NINL: variants seen among roughly 807,000 people sequenced by gnomAD.
The protein encoded by NINL is ninein-like protein.
In NINL, 153 loss-of-function variants were observed where a neutral mutation model predicts 160.3. The ratio of observed to expected loss-of-function variants is 0.95; its 90% CI spans 0.84 to 1.09. The LOEUF is 1.09. NINL is among the 50% of genes least tolerant of loss of function. The pLI, the probability that NINL is intolerant of heterozygous loss-of-function variation, is 0.00. For synonymous variants in NINL, 800 were observed against 734.8 expected (o/e 1.09, Z -1.43); for missense variants, 1,829 against 1,764.0 (o/e 1.04, Z -0.66).
At chr20:25,545,846 C>A (rs2064724958) in intron 1 of NINL, among the ~76,000 whole-genome samples, 1 of 152,224 alleles carries the variant, frequency 6.6e-6, no homozygotes, top group Admixed American at 6.5e-5. Flanking sequence ...TCCAGGCCTT[C>A]TTCCTGATCC....
intron 18 of NINL, 144 bp from the exon 19 acceptor site, chr20:25,467,602 C>G: frequency 1.5e-6 from 1 of 676,526 alleles, no homozygotes; most frequent in Non-Finnish European, 2.7e-6. Context: ...TCTCCAGCCC[C>G]TCTCAGTCCC....
chr20:25,470,497 G>T (rs1474319489), intron 17 of NINL, among the ~76,000 whole-genome samples: 1 of 152,234 alleles, frequency 6.6e-6, no homozygotes, highest in East Asian at 1.9e-4. Context: ...ACTCAGTGTG[G>T]AGCTAAGAAA....
chr20:25,568,280 G>A (rs999552253), intron 1 of NINL, among the ~76,000 whole-genome samples: 1 of 151,046 alleles, frequency 6.6e-6, no homozygotes, highest in Non-Finnish European at 1.5e-5. Context: ...AGAGAGAATT[G>A]TATCTTTACA....
At chr20:25,497,667 G>A (rs1034729056) in intron 9 of NINL, among the ~76,000 whole-genome samples, 7 of 152,252 alleles carry the variant, frequency 4.6e-5, no homozygotes, top group Non-Finnish European at 7.3e-5. Context: ...TCAGCCCAAC[G>A]TCACGGGGCA....
chr20:25,489,845 T>C (rs771455579), intron 12 of NINL, 30 bp downstream of exon 12: 7 of 1,565,314 alleles, frequency 4.5e-6, no homozygotes, highest in Non-Finnish European at 1.8e-6. Context: ...CCCTCCCCTC[T>C]GGAGGCAGAC....
At chr20:25,507,654 T>C (rs892946280) in intron 5 of NINL, among the ~76,000 whole-genome samples, 1 of 152,112 alleles carries the variant, frequency 6.6e-6, no homozygotes, top group African/African-American at 2.4e-5. Flanking sequence ...TGGGTGTGAA[T>C]TACTGATAAC....
chr20:25,536,035 G>T (rs946838870), intron 1 of NINL, among the ~76,000 whole-genome samples: 2 of 152,168 alleles, frequency 1.3e-5, no homozygotes, highest in Non-Finnish European at 2.9e-5. Context: ...CAGAGAGAAA[G>T]AGCAGCCCCA....
rs752062558 is a variant in NINL at position 25,526,614 on chromosome 20, GGAA to G, written c.-11-19_-11-17del. 4 of 1,604,754 alleles carry G rather than the reference GGAA, an allele frequency of 2.5e-6. No individual in the cohort carries two copies. The highest frequency in any genetic ancestry group is 3.4e-6 in the Non-Finnish European group (4 of 1,172,690). On this transcript the variant is annotated splice_polypyrimidine_tract_variant and intron_variant, in intron 1 of 23. Coordinates refer to ENST00000278886, the MANE Select transcript of NINL (RefSeq NM_025176.6). ...CCATAGCAGGCTGGCAGTGTGCAAG[GGAA>G]GAAGAAAACATCAGGACACTTTCCC...
chr20:25,482,113 A>G lies in NINL; in HGVS notation c.1678-13T>C, dbSNP rs777458110. ...GGTCCTGCAGGTCCTGTGGGGACAG[A>G]GCCAGCCACCTCCTCTAGCAGCTGC... On this transcript the variant is annotated splice_polypyrimidine_tract_variant and intron_variant, in intron 13 of 23. Coordinates refer to ENST00000278886, the MANE Select transcript of NINL (RefSeq NM_025176.6). 1 of 1,589,544 alleles carries G rather than the reference A, an allele frequency of 6.3e-7. No individual in the cohort carries two copies. Among genetic ancestry groups the G allele is most frequent in the South Asian group, 1.1e-5 (1 of 90,360 alleles).
At chr20:25,488,041 G>A (rs532072575) in intron 13 of NINL, among the ~76,000 whole-genome samples, 1 of 152,202 alleles carries the variant, frequency 6.6e-6, no homozygotes, top group South Asian at 2.1e-4. Flanking sequence ...CATTTAAAAT[G>A]TGCCAAGGAG....
rs17857107 is a variant in NINL, at chr20:25,453,503, C to T, written c.4097G>A (p.Arg1366His). Residue 1366 changes from arginine to histidine, a missense_variant, in exon 24 of 24, where the codon CGC becomes CAC. Arg to His is a conservative substitution (Grantham distance 29). Transcript: ENST00000278886. ...KQSRLLEEKV[R>H]ALNKLVSRIA... ...CCTACTGACGAGTTTGTTGAGAGCG[C>T]GAACTTTTTCTTCCAAGAGGCGGCT... 0.1 allele frequency: 162,605 copies of T among 1,613,706 alleles called. 8,877 individuals are homozygous for T. Among genetic ancestry groups the T allele is most frequent in the Non-Finnish European group, 0.11 (126,422 of 1,179,796 alleles).
chr20:25,504,062 C>T lies in NINL; in HGVS notation c.751G>A (p.Gly251Ser), dbSNP rs1409707064. 10 of 1,604,340 alleles carry T rather than the reference C, an allele frequency of 6.2e-6. No homozygotes were observed. In the South Asian group the frequency reaches 8.9e-5, roughly 14 times the overall value. ...TGGAATTCCTCAAGACTCACTTTGC[C>T]GTCTCCGTCTTGATCCAGTTTGTTA... ...LFNKLDQDGD[G>S]KVSLEEFQLG... The change falls in exon 7 of 24, where the codon GGC (glycine) becomes AGC (serine). Residue 251 changes from glycine to serine, a missense_variant. Gly to Ser is a moderately conservative substitution (Grantham distance 56). Coordinates refer to ENST00000278886, the MANE Select transcript of NINL (RefSeq NM_025176.6).
In NINL at chr20:25,504,927, C is replaced by G. The variant is rs752885295; in HGVS notation, c.669G>C (p.Val223=). 1.9e-6 allele frequency: 3 copies of G among 1,612,248 alleles called. No homozygotes were observed. The Admixed American group carries it at 5.0e-5, about 27-fold the overall frequency. The change falls in exon 6 of 24, where the codon GTG becomes GTC. Residue 223 remains valine (V), a synonymous_variant. Coordinates refer to ENST00000278886, the MANE Select transcript of NINL (RefSeq NM_025176.6). The stretch of plus-strand genomic sequence containing the variant: ...CCTGGAGCCCGACGCTCTGGCAGAC[C>G]ACAGCCAGCTCCTGCTCGCTCAGGT... ...SGHLSEQELA[V]VCQSVGLQGL... is the part of the protein sequence containing the mutation.
intron 5 of NINL, among the ~76,000 whole-genome samples, chr20:25,505,419 C>A (rs1425824116): frequency 6.6e-6 from 1 of 152,020 alleles, no homozygotes; most frequent in Non-Finnish European, 1.5e-5. Context: ...TTAATAAGAT[C>A]CGATTGCTTC....
intron 1 of NINL, among the ~76,000 whole-genome samples, chr20:25,531,808 C>G (rs916169716): frequency 6.6e-6 from 1 of 152,186 alleles, no homozygotes; most frequent in African/African-American, 2.4e-5. Flanking sequence ...TTCCCAATGT[C>G]AGAGGGTAAA....
intron 11 of NINL, among the ~76,000 whole-genome samples, chr20:25,490,730 G>A (rs957069605): frequency 6.6e-6 from 1 of 152,112 alleles, no homozygotes; most frequent in Non-Finnish European, 1.5e-5. Context: ...AGACGGTGGG[G>A]GACTGCAGTG....
chr20:25,560,786 C>A (rs2064924746), intron 1 of NINL, among the ~76,000 whole-genome samples: 1 of 152,146 alleles, frequency 6.6e-6, no homozygotes, highest in East Asian at 1.9e-4. Context: ...AGGAAGGAGG[C>A]AGCATCTGAG....
Position 25,461,575 on chromosome 20 carries a change from G to T in NINL, c.3643C>A (p.Leu1215Met). The change falls in exon 21 of 24, where the codon CTG (leucine) becomes ATG (methionine). Residue 1215 changes from leucine (L) to methionine (M), a missense_variant. By Grantham distance (15) the Leu-to-Met change is conservative (BLOSUM62 2). Transcript: ENST00000278886. ...LECLNQEHQSLQLPWSELTQT... is the reference protein window; with the variant it reads ...LECLNQEHQSMQLPWSELTQT... ...GTCAGCTCTGACCATGGCAGCTGCA[G>T]GCTCTGATGTTCCTGATTCAGGCAT... The T allele has an allele frequency of 6.2e-7, 1 of 1,608,446 alleles. No individual in the cohort carries two copies. Among genetic ancestry groups the T allele is most frequent in the Non-Finnish European group, 8.5e-7 (1 of 1,178,222 alleles).
intron 21 of NINL, chr20:25,458,774 T>G: frequency 2.0e-6 from 1 of 502,300 alleles, no homozygotes; most frequent in Non-Finnish European, 3.5e-6. Context: ...CTCAAAATGG[T>G]GACGCTGACC....
Sources: gnomAD v4.1 joint callset for allele counts (sites outside exome capture counted in the v4.1 genomes callset) on GRCh38, gnomAD v4.1.1 for gene constraint, MANE v1.5 for transcripts, NCBI Gene and HGNC (gene_info 2026-07-23, HGNC 2026-07-21) for gene names.